The following ABI3BP variants were observed in gnomAD, a reference collection of about 807,000 sequenced individuals.
ABI3BP encodes target of Nesh-SH3.
In ABI3BP, 216 loss-of-function variants were observed where a neutral mutation model predicts 268.6. The observed-to-expected ratio is 0.80, with a 90% CI of 0.72 to 0.90. The LOEUF is 0.90. Ranked by LOEUF, ABI3BP falls within the 40% of genes least tolerant of loss-of-function variation. The probability of loss-of-function intolerance (pLI) is 0.00; values close to 1 mark genes in which losing one functional copy is unlikely to be tolerated. For missense variants in ABI3BP, 2,090 were observed against 2,182.4 expected (o/e 0.96, Z 0.84); for synonymous variants, 730 against 730.0 (o/e 1.00, Z 0.00).
rs2153012313 is a variant in ABI3BP, at chr3:100,848,849, A to G, written c.1528T>C (p.Ser510Pro). ...PAPQQTTSIP[S>P]TPKRRPRPKP... The stretch of plus-strand genomic sequence containing the variant: ...GGCCGGGGGCGTCGTTTAGGTGTAG[A>G]AGGGATAGATGTAGTTTGCTGGGGA... Residue 510 changes from serine (S) to proline (P), a missense_variant, in exon 18 of 68, where the codon TCT becomes CCT. By Grantham distance (74) the Ser-to-Pro change is moderately conservative. Transcript: ENST00000471714. The G allele has an allele frequency of 6.2e-7, 1 of 1,613,286 alleles. No individual in the cohort carries two copies. Among genetic ancestry groups the G allele is most frequent in the Non-Finnish European group, 8.5e-7 (1 of 1,179,336 alleles).
At chr3:100,771,829 GA>G (rs1435681064) in intron 61 of ABI3BP, among the ~76,000 whole-genome samples, 4 of 151,814 alleles carry the variant, frequency 2.6e-5, no homozygotes, top group Non-Finnish European at 5.9e-5. Flanking sequence ...CGGGTGAGCA[GA>G]AAAAAATATT....
intron 57 of ABI3BP, among the ~76,000 whole-genome samples, chr3:100,784,703 A>G (rs115692811): frequency 2.0e-4 from 30 of 152,314 alleles, no homozygotes; most frequent in African/African-American, 6.7e-4. Context: ...CTCAGTGATA[A>G]AAAAGGAACA....
chr3:100,913,754 T>C (rs1292077458), intron 2 of ABI3BP, among the ~76,000 whole-genome samples: 1 of 152,200 alleles, frequency 6.6e-6, no homozygotes, highest in Admixed American at 6.5e-5. Context: ...TAAAAAAGAA[T>C]GTCTATAGAA....
Position 100,896,366 on chromosome 3 carries a change from A to G in ABI3BP, c.461+2396T>C, listed in dbSNP as rs150511561. Reference sequence around the variant, plus strand: ...CATTATCTCCGGGTGCTGTCAAACCATGGCAACATCTATCAATTAGAATCG... The same window carrying G: ...CATTATCTCCGGGTGCTGTCAAACCGTGGCAACATCTATCAATTAGAATCG... On this transcript the variant is annotated intron_variant, in intron 4 of 67. Coordinates refer to ENST00000471714, the MANE Select transcript of ABI3BP (RefSeq NM_001375547.2). 1.6e-3 allele frequency among the ~76,000 whole-genome samples: 243 copies of G among 152,276 alleles called. 3 individuals carry two copies. In the East Asian group the frequency reaches 0.04, roughly 25 times the overall value.
intron 1 of ABI3BP, among the ~76,000 whole-genome samples, chr3:100,938,859 G>C (rs1227413967): frequency 1.3e-5 from 2 of 152,088 alleles, no homozygotes; most frequent in East Asian, 3.9e-4. Flanking sequence ...TCCTGCAGTG[G>C]TATGATGGCA....
At chr3:100,968,992 T>A (rs1028569880) in intron 1 of ABI3BP, among the ~76,000 whole-genome samples, 1 of 152,204 alleles carries the variant, frequency 6.6e-6, no homozygotes, top group African/African-American at 2.4e-5. Context: ...CCTTTGGGAT[T>A]TGCTGAGCTT....
In ABI3BP at chr3:100,749,273, C is replaced by CA. The variant is rs199973526; in HGVS notation, c.*1221_*1222insT. ...AATAAAACTTAGTGATTTTCCTTCTCGATAAAAGGTATAGTTAACATACTG... is the reference window on the plus strand; with the variant it reads ...AATAAAACTTAGTGATTTTCCTTCTCAGATAAAAGGTATAGTTAACATACTG... On this transcript the variant is annotated 3_prime_UTR_variant, in exon 68 of 68. Transcript: ENST00000471714. 100 of 181,332 alleles carry CA rather than the reference C, an allele frequency of 5.5e-4. No individual in the cohort carries two copies. Among genetic ancestry groups the CA allele is most frequent in the African/African-American group, 9.2e-4 (39 of 42,598 alleles). The allele number at this position is 181,332 out of a possible 1,614,324, so 11.2% of individuals were successfully genotyped here.
At chr3:100,761,642 G>A (rs2095955701) in intron 63 of ABI3BP, among the ~76,000 whole-genome samples, 1 of 152,116 alleles carries the variant, frequency 6.6e-6, no homozygotes, top group Non-Finnish European at 1.5e-5. Flanking sequence ...CACTGTGAAA[G>A]GAAAGGTAGG....
At chr3:100,972,009 G>A (rs946694134) in intron 1 of ABI3BP, among the ~76,000 whole-genome samples, 3 of 152,128 alleles carry the variant, frequency 2.0e-5, no homozygotes, top group African/African-American at 7.2e-5. Flanking sequence ...GCAGGGAGAA[G>A]GGCAGCTGGG....
chr3:100,982,524 C>A (rs1431819157), intron 1 of ABI3BP, among the ~76,000 whole-genome samples: 1 of 151,312 alleles, frequency 6.6e-6, no homozygotes, highest in Non-Finnish European at 1.5e-5. Context: ...ATGGCAAAAA[C>A]CACAGTTACT....
chr3:100,840,686 T>C (rs1366789215), intron 22 of ABI3BP, 134 bp downstream of exon 22: 5 of 710,534 alleles, frequency 7.0e-6, no homozygotes, highest in Non-Finnish European at 1.1e-5. Context: ...AACTTTTTTT[T>C]CTGAAGAACA....
intron 6 of ABI3BP, among the ~76,000 whole-genome samples, chr3:100,881,425 A>C (rs960500747): frequency 6.6e-6 from 1 of 152,208 alleles, no homozygotes; most frequent in Non-Finnish European, 1.5e-5. Flanking sequence ...AATAGATGTC[A>C]TATTTTTGGA....
intron 46 of ABI3BP, 112 bp from the exon 47 acceptor site, chr3:100,811,911 C>A: frequency 1.3e-6 from 1 of 774,538 alleles, no homozygotes; most frequent in East Asian, 2.7e-5. Flanking sequence ...CAGATATATT[C>A]TTGAGAATAA....
At chr3:100,963,531 A>T (rs145656030) in intron 1 of ABI3BP, among the ~76,000 whole-genome samples, 10 of 152,330 alleles carry the variant, frequency 6.6e-5, no homozygotes. Flanking sequence ...GTAACCAGAG[A>T]TGTCTTTTTA....
chr3:100,821,597 CTTT>C (rs369631203), intron 38 of ABI3BP, among the ~76,000 whole-genome samples: 41 of 119,130 alleles, frequency 3.4e-4, no homozygotes, highest in Non-Finnish European at 3.1e-4. Context: ...TGAAGTAAGA[CTTT>C]TTTTTTTTTT....
intron 28 of ABI3BP, 78 bp downstream of exon 28, chr3:100,835,523 C>A: frequency 1.8e-6 from 2 of 1,123,022 alleles, no homozygotes; most frequent in South Asian, 1.5e-5. Flanking sequence ...AAGAAAAAAC[C>A]CTTAGCCCAA....
chr3:100,749,685 A>ACTT lies in ABI3BP; in HGVS notation c.*807_*809dup, dbSNP rs2095219114. The ACTT allele has an allele frequency of 2.5e-6, 1 of 398,426 alleles. No individual in the cohort carries two copies. Among genetic ancestry groups the ACTT allele is most frequent in the African/African-American group, 2.1e-5 (1 of 48,570 alleles). 24.7% of individuals were successfully genotyped at this position (398,426 alleles called of 1,614,324 possible). A position where few individuals can be genotyped will look rare whatever the true frequency, so the allele number is the denominator to read the frequency against. On this transcript the variant is annotated 3_prime_UTR_variant, in exon 68 of 68. Coordinates refer to ENST00000471714, the MANE Select transcript of ABI3BP (RefSeq NM_001375547.2). ...CATTATCTTTTTGTGCTCAGACTTG[A>ACTT]CTTCACATTCAGTCTCTACATACAG...
At chr3:100,801,425 C>CAAAAAAAAAAA in intron 51 of ABI3BP, among the ~76,000 whole-genome samples, 1 of 87,484 alleles carries the variant, frequency 1.1e-5, no homozygotes, top group Non-Finnish European at 2.5e-5. Flanking sequence ...GATATCCTGT[C>CAAAAAAAAAAA]AAAAAAAAAA....
At chr3:100,762,626 C>T (rs1014899832) in intron 63 of ABI3BP, among the ~76,000 whole-genome samples, 6 of 152,060 alleles carry the variant, frequency 3.9e-5, no homozygotes, top group Non-Finnish European at 8.8e-5. Flanking sequence ...AATAATTTAC[C>T]TCATTTTACT....
Sources: gnomAD v4.1 joint callset for allele counts (sites outside exome capture counted in the v4.1 genomes callset) on GRCh38, gnomAD v4.1.1 for gene constraint, MANE v1.5 for transcripts, NCBI Gene and HGNC (gene_info 2026-07-23, HGNC 2026-07-21) for gene names.